ITGB4: variants seen among roughly 807,000 people sequenced by gnomAD.
The protein encoded by ITGB4 is integrin beta-4.
ITGB4 carries 159 observed loss-of-function variants against 207.6 expected under a neutral mutation model. The observed-to-expected ratio is 0.77, with a 90% confidence interval of 0.67 to 0.87. ITGB4 has a LOEUF of 0.87. Among genes scored for constraint, ITGB4 ranks in the 40% least tolerant of loss-of-function variants. The pLI, the probability that ITGB4 is intolerant of heterozygous loss-of-function variation, is 0.00. For synonymous variants in ITGB4, 1,020 were observed against 1,062.7 expected (o/e 0.96, Z 0.78); for missense variants, 2,278 against 2,546.8 (o/e 0.89, Z 2.27).
chr17:75,744,628 A>G (rs1403330154), intron 26 of ITGB4, among the ~76,000 whole-genome samples: 1 of 152,216 alleles, frequency 6.6e-6, no homozygotes, highest in Non-Finnish European at 1.5e-5. Context: ...ACAATTTGCC[A>G]AGCAGCAGGA....
Position 75,731,931 on chromosome 17 carries a change from G to T in ITGB4, c.1335G>T (p.Lys445Asn). The change falls in exon 11 of 40, where the codon AAG becomes AAT. Residue 445 changes from lysine to asparagine, a missense_variant. Lys to Asn is a moderately conservative substitution (Grantham distance 94, BLOSUM62 0). Transcript: ENST00000200181. The surrounding 1 kb of genome is among the most constrained non-coding windows in gnomAD (Gnocchi z 6.8). The stretch of plus-strand genomic sequence containing the variant: ...AACCTTCCTTCTCCGACGGCCTCAA[G>T]ATGGACGCGGGCATCATCTGTGATG... ...HLKPSFSDGL[K>N]MDAGIICDVC... 6.2e-7 allele frequency: 1 copy of T among 1,614,098 alleles called. No individual in the cohort carries two copies. Among genetic ancestry groups the T allele is most frequent in the Non-Finnish European group, 8.5e-7 (1 of 1,180,026 alleles).
Position 75,748,838 on chromosome 17 carries a change from C to G in ITGB4, c.3112-3C>G. On this transcript the variant is annotated splice_region_variant and splice_polypyrimidine_tract_variant and intron_variant, in intron 26 of 39. Transcript: ENST00000200181. ...CCCTGACCCTGACCCCCTCCACTCC[C>G]AGGACTACATCCCCGTGGAGGGTGA... 6.2e-7 allele frequency: 1 copy of G among 1,606,606 alleles called. No homozygotes were observed. Among genetic ancestry groups the G allele is most frequent in the Non-Finnish European group, 8.5e-7 (1 of 1,177,080 alleles).
intron 6 of ITGB4, 21 bp downstream of exon 6, chr17:75,728,494 C>T (rs769179992): frequency 1.7e-5 from 27 of 1,589,398 alleles, no homozygotes; most frequent in Admixed American, 1.7e-4. Flanking sequence ...GTGTGGGTCC[C>T]GCAGGTGGGC....
At chr17:75,730,048 C>G (rs998729286) in intron 7 of ITGB4, among the ~76,000 whole-genome samples, 193 bp from the exon 8 acceptor site, 6 of 152,258 alleles carry the variant, frequency 3.9e-5, no homozygotes, top group African/African-American at 1.2e-4. Flanking sequence ...GGCCGCATCT[C>G]CAGCTCCTGT....
Position 75,740,177 on chromosome 17 carries a change from C to A in ITGB4, c.2446+106C>A. ...CTTCTCTGGGTGTGGGGTGCAGGCACAGGGCTCAGCCACCTTTTGCCCTGT... is the reference window on the plus strand; with the variant it reads ...CTTCTCTGGGTGTGGGGTGCAGGCAAAGGGCTCAGCCACCTTTTGCCCTGT... On this transcript the variant is annotated intron_variant, in intron 20 of 39. Coordinates refer to ENST00000200181, the MANE Select transcript of ITGB4 (RefSeq NM_000213.5). This position sits in a 1 kb window ranked among gnomAD's most constrained non-coding sequence, Gnocchi z 5.9. 1 of 1,321,044 alleles carries A rather than the reference C, an allele frequency of 7.6e-7. No homozygotes were observed. The highest frequency in any genetic ancestry group is 1.0e-6 in the Non-Finnish European group (1 of 958,176). The allele number at this position is 1,321,044 out of a possible 1,614,324, so 81.8% of individuals were successfully genotyped here.
chr17:75,749,753 G>T (rs1425363976), intron 27 of ITGB4, among the ~76,000 whole-genome samples: 7 of 152,152 alleles, frequency 4.6e-5, no homozygotes, highest in Non-Finnish European at 1.5e-5. Context: ...CCTCCCAACT[G>T]GGAGAAAGCC....
intron 26 of ITGB4, among the ~76,000 whole-genome samples, chr17:75,747,346 G>A (rs940092446): frequency 6.6e-6 from 1 of 152,052 alleles, no homozygotes; most frequent in Non-Finnish European, 1.5e-5. Context: ...GGGCATGGTG[G>A]CACACGCCTG....
chr17:75,736,728 G>A (rs1182347374), intron 16 of ITGB4, 34 bp downstream of exon 16: 1 of 1,579,440 alleles, frequency 6.3e-7, no homozygotes, highest in South Asian at 1.2e-5. Context: ...GGGTTGCTGA[G>A]AGCCTAGGCA....
chr17:75,737,662 CTCCCAAGGCCCCACA>C lies in ITGB4; in HGVS notation c.2220+24_2220+38del. ...GCTGCAAGGTGAGCACCCAGGGTGC[CTCCCAAGGCCCCACA>C]TCCCAGGGTCCCCACCCCAACAGGG... On this transcript the variant is annotated intron_variant, in intron 18 of 39. Transcript: ENST00000200181. 6.2e-7 allele frequency: 1 copy of C among 1,604,470 alleles called. No homozygotes were observed.
At chr17:75,747,895 C>T (rs184217836) in intron 26 of ITGB4, among the ~76,000 whole-genome samples, 24 of 152,262 alleles carry the variant, frequency 1.6e-4, no homozygotes, top group Non-Finnish European at 3.2e-4. Context: ...GTTTGTTTTA[C>T]AACTATGGGT....
In ITGB4 at chr17:75,742,348, C is replaced by T. The variant is rs763610270; in HGVS notation, c.2641C>T (p.His881Tyr). 5.6e-6 allele frequency: 9 copies of T among 1,613,418 alleles called. No individual in the cohort carries two copies. In the Admixed American group the frequency reaches 1.3e-4, roughly 24 times the overall value. The change falls in exon 24 of 40, where the codon CAC becomes TAC. Residue 881 changes from histidine (H) to tyrosine (Y), a missense_variant. His to Tyr is a moderately conservative substitution (Grantham distance 83). Transcript: ENST00000200181. This position sits in a 1 kb window ranked among gnomAD's most constrained non-coding sequence, Gnocchi z 5.9. The part of the protein sequence containing the change: ...QQPNAGKKQD[H>Y]TIVDTVLMAP... ...CTTCCACCCTCGACCCAGGCAAGAC[C>T]ACACCATTGTGGACACAGTGCTGAT... is the stretch of plus-strand genomic sequence containing the variant.
chr17:75,730,189 C>T (rs950092791), intron 7 of ITGB4, 52 bp from the exon 8 acceptor site: 11 of 1,608,542 alleles, frequency 6.8e-6, no homozygotes, highest in African/African-American at 5.3e-5. Flanking sequence ...CGCCGTGATG[C>T]GTGTCAGCAG....
intron 12 of ITGB4, among the ~76,000 whole-genome samples, chr17:75,733,016 C>A (rs540929438): frequency 9.2e-5 from 14 of 151,932 alleles, no homozygotes; most frequent in Middle Eastern, 3.4e-3. Context: ...ACCTAGAAGG[C>A]GGAGGTTGCC....
intron 1 of ITGB4, among the ~76,000 whole-genome samples, chr17:75,723,213 C>G: frequency 6.6e-6 from 1 of 152,178 alleles, no homozygotes; most frequent in East Asian, 1.9e-4. Context: ...TGTGCCTGGT[C>G]TCTCATCTGG....
Position 75,727,653 on chromosome 17 carries a change from G to T in ITGB4, c.267G>T (p.Glu89Asp). 6.2e-7 allele frequency: 1 copy of T among 1,603,798 alleles called. No homozygotes were observed. ...CTGTCCCCTTCCACTGGCTGCAGGA[G>T]ACCCAGATTGACACCACCCTGCGGC... ...VMESSFQITE[E>D]TQIDTTLRRS... The change falls in exon 5 of 40, where the codon GAG (glutamate) becomes GAT (aspartate). Residue 89 changes from glutamate to aspartate, a missense_variant and splice_region_variant. Transcript: ENST00000200181. The surrounding 1 kb of genome is among the most constrained non-coding windows in gnomAD (Gnocchi z 6.0).
In ITGB4 at chr17:75,730,418, T is replaced by C. The variant is rs1363825192; in HGVS notation, c.916T>C (p.Ser306Pro). 1.2e-6 allele frequency: 2 copies of C among 1,613,896 alleles called. No individual in the cohort carries two copies. The change falls in exon 8 of 40, where the codon TCG becomes CCG. Residue 306 changes from serine to proline, a missense_variant. By Grantham distance (74) the Ser-to-Pro change is moderately conservative (BLOSUM62 -1). Transcript: ENST00000200181. ...YTQYRTQDYP[S>P]VPTLVRLLAK... ...CCAGTACAGGACACAGGACTACCCG[T>C]CGGTGCCCACCCTGGTGCGCCTGCT...
Position 75,752,488 on chromosome 17 carries a change from G to GGGAGGACTA in ITGB4, c.4020_4028dup (p.Asp1342_Tyr1343insTer), listed in dbSNP as rs2095287729. On this transcript the variant is annotated stop_gained and inframe_insertion, in exon 32 of 40. Coordinates refer to ENST00000200181, the MANE Select transcript of ITGB4 (RefSeq NM_000213.5). LOFTEE classifies it high-confidence loss of function. Reference sequence around the variant, plus strand: ...ATCCCTATCGTGGACGCCCAGAGCGGGGAGGACTACGACAGCTTCCTTATG... The same window carrying GGGAGGACTA: ...ATCCCTATCGTGGACGCCCAGAGCGGGGAGGACTAGGAGGACTACGACAGCTTCCTTATG... 6.2e-7 allele frequency: 1 copy of GGGAGGACTA among 1,613,562 alleles called. No homozygotes were observed.
intron 33 of ITGB4, 38 bp downstream of exon 33, chr17:75,754,012 C>T (rs1010077000): frequency 4.2e-6 from 4 of 953,946 alleles, no homozygotes; most frequent in African/African-American, 3.4e-5. Flanking sequence ...TCCGCGCCCA[C>T]CCAGCCTCAC....
In ITGB4 at chr17:75,729,128, C is replaced by A; in HGVS notation, c.567-137C>A. On this transcript the variant is annotated intron_variant, in intron 6 of 39. Coordinates refer to ENST00000200181, the MANE Select transcript of ITGB4 (RefSeq NM_000213.5). The surrounding 1 kb of genome is among the most constrained non-coding windows in gnomAD (Gnocchi z 4.4). ...AGCCAAGATCGTGCATACCGCACAC[C>A]AGCCTGGGTGATAAAGCGAGACTTG... is the stretch of plus-strand genomic sequence containing the variant. 2 of 772,632 alleles carry A rather than the reference C, an allele frequency of 2.6e-6. No homozygotes were observed. Among genetic ancestry groups the A allele is most frequent in the Non-Finnish European group, 4.0e-6 (2 of 496,234 alleles). The allele number at this position is 772,632 out of a possible 1,614,324, so 47.9% of individuals were successfully genotyped here.
Sources: gnomAD v4.1 joint callset for allele counts (sites outside exome capture counted in the v4.1 genomes callset) on GRCh38, gnomAD v4.1.1 for gene constraint, Gnocchi (gnomAD v3.1) non-coding constraint, MANE v1.5 for transcripts, NCBI Gene and HGNC (gene_info 2026-07-23, HGNC 2026-07-21) for gene names.